TSACC: variants seen among roughly 807,000 people sequenced by gnomAD.
TSACC encodes TSSK6-activating co-chaperone protein.
Under a neutral mutation model 6.9 loss-of-function variants are expected in TSACC, and 3 were observed. The ratio of observed to expected loss-of-function variants is 0.43; its 90% confidence interval spans 0.20 to 1.12. The LOEUF (loss-of-function observed/expected upper bound fraction) is 1.12, where lower values mean the gene tolerates loss of function less well. Ranked by LOEUF, TSACC falls within the 50% of genes most tolerant of loss-of-function variation. The pLI, the probability that TSACC is intolerant of heterozygous loss-of-function variation, is 0.28. For synonymous variants in TSACC, 54 were observed against 55.1 expected (o/e 0.98, Z 0.09); for missense variants, 137 against 143.9 (o/e 0.95, Z 0.24).
At chr1:156,344,891 C>CT (rs1204350732) in intron 3 of TSACC, among the ~76,000 whole-genome samples, 183 bp downstream of exon 3, 1 of 152,216 alleles carries the variant, frequency 6.6e-6, no homozygotes, top group Non-Finnish European at 1.5e-5. Flanking sequence ...GTTCTACCAA[C>CT]TTGTATTGTT....
At chr1:156,342,434 A>G (rs998591805) in intron 2 of TSACC, among the ~76,000 whole-genome samples, 1 of 152,238 alleles carries the variant, frequency 6.6e-6, no homozygotes, top group South Asian at 2.1e-4. Context: ...GACCTTCCAG[A>G]CAGAAAGCAT....
Position 156,346,892 on chromosome 1 carries a change from A to G in TSACC, c.288A>G (p.Gln96=), listed in dbSNP as rs376511938. The part of the protein sequence containing the change: ...VLEHLQASVT[Q]LAPGRGSNNS... ...AACATTTACAGGCATCTGTGACACA[A>G]CTGGCTCCTGGGAGGGGAAGCAATA... The change falls in exon 4 of 4, where the codon CAA becomes CAG. Residue 96 remains glutamine (Q), a synonymous_variant. Coordinates refer to ENST00000368254, the MANE Select transcript of TSACC (RefSeq NM_001304817.2). The G allele has an allele frequency of 4.3e-6, 7 of 1,613,984 alleles. No homozygotes were observed. Among genetic ancestry groups the G allele is most frequent in the African/African-American group, 4.0e-5 (3 of 74,888 alleles).
intron 1 of TSACC, 57 bp downstream of exon 1, chr1:156,338,662 G>A (rs1443290310): frequency 5.9e-6 from 1 of 169,690 alleles, no homozygotes; most frequent in African/African-American, 2.4e-5. Context: ...TGAAGGCTAA[G>A]AAAGGCTTCA....
intron 2 of TSACC, among the ~76,000 whole-genome samples, chr1:156,344,135 A>G (rs979768261): frequency 1.1e-4 from 17 of 152,184 alleles, no homozygotes; most frequent in Admixed American, 8.5e-4. Flanking sequence ...CTTTTAAGAA[A>G]CATTCATTTT....
intron 3 of TSACC, among the ~76,000 whole-genome samples, chr1:156,345,783 G>C (rs1466588365): frequency 6.6e-6 from 1 of 151,532 alleles, no homozygotes; most frequent in East Asian, 1.9e-4. Context: ...CAGGAGAATT[G>C]CTTAAACTGG....
chr1:156,341,166 C>G (rs1454667901), intron 2 of TSACC, among the ~76,000 whole-genome samples: 1 of 152,200 alleles, frequency 6.6e-6, no homozygotes, highest in Non-Finnish European at 1.5e-5. Flanking sequence ...ATACTATTAA[C>G]CCCACAACAG....
At chr1:156,338,269 A>C (rs988869353), upstream of TSACC, 20 of 1,400,992 alleles carry the variant, frequency 1.4e-5, no homozygotes, top group South Asian at 3.7e-5. Context: ...GAAGCCCAGA[A>C]AACGCTGCCT....
upstream of TSACC, chr1:156,338,311 C>G (rs1665555428): frequency 1.1e-6 from 1 of 888,420 alleles, no homozygotes; most frequent in Admixed American, 2.1e-5. Flanking sequence ...CCGCTACTCT[C>G]AAGGTAGTCG....
intron 2 of TSACC, among the ~76,000 whole-genome samples, chr1:156,343,594 C>CCTAATCCCT (rs1268775083): frequency 1.3e-5 from 2 of 152,170 alleles, no homozygotes. Context: ...ACCTCATGCG[C>CCTAATCCCT]CTAATCCCTT....
At chr1:156,345,865 G>C in intron 3 of TSACC, among the ~76,000 whole-genome samples, 1 of 126,884 alleles carries the variant, frequency 7.9e-6, no homozygotes, top group African/African-American at 2.9e-5. Flanking sequence ...AGGCTCCATT[G>C]AAAAAAAAAA....
Position 156,344,622 on chromosome 1 carries a change from C to T in TSACC, c.77C>T (p.Ala26Val), listed in dbSNP as rs1276890349. The T allele has an allele frequency of 6.2e-7, 1 of 1,614,056 alleles. No homozygotes were observed. Among genetic ancestry groups the T allele is most frequent in the Admixed American group, 1.7e-5 (1 of 60,002 alleles). Residue 26 changes from alanine to valine, a missense_variant, in exon 3 of 4, where the codon GCA (alanine) becomes GTA (valine). Physicochemically the swap from Ala to Val is moderately conservative, Grantham distance 64. Transcript: ENST00000368254. Reference sequence around the variant, plus strand: ...GCTAATGCTGTGCCTCTCTGTAGAGCAAAACCCTCCCCCAGCTATATTAAT... The same window carrying T: ...GCTAATGCTGTGCCTCTCTGTAGAGTAAAACCCTCCCCCAGCTATATTAAT... Reference protein sequence around the residue: ...EEANAVPLCRAKPSPSYINLQ... With the variant: ...EEANAVPLCRVKPSPSYINLQ...
chr1:156,343,833 C>T (rs564206213), intron 2 of TSACC, among the ~76,000 whole-genome samples: 62 of 152,074 alleles, frequency 4.1e-4, no homozygotes, highest in Non-Finnish European at 7.4e-4. Flanking sequence ...CTCTGCCTCC[C>T]GGGTTCAAGT....
At chr1:156,344,524 A>G in intron 2 of TSACC, 56 bp from the exon 3 acceptor site, 1 of 1,592,074 alleles carries the variant, frequency 6.3e-7, no homozygotes, top group South Asian at 1.1e-5. Context: ...CAGGGATCTA[A>G]TTAGAAAGGC....
chr1:156,337,989 G>A (rs1665518688), upstream of TSACC, among the ~76,000 whole-genome samples: 1 of 152,196 alleles, frequency 6.6e-6, no homozygotes. Flanking sequence ...GAAGCGAACA[G>A]GTTAAGAGAA....
chr1:156,341,060 G>A (rs759801232), intron 2 of TSACC, among the ~76,000 whole-genome samples: 1 of 151,920 alleles, frequency 6.6e-6, no homozygotes, highest in African/African-American at 2.4e-5. Flanking sequence ...CAAGTGATCC[G>A]CCCACTCTGG....
chr1:156,339,538 T>A (rs1665698968), intron 1 of TSACC, 96 bp from the exon 2 acceptor site: 1 of 514,860 alleles, frequency 1.9e-6, no homozygotes, highest in Admixed American at 3.5e-5. Flanking sequence ...GGAAAACTGT[T>A]TTCCAAACTA....
At chr1:156,346,165 GC>G (rs1304364087) in intron 3 of TSACC, among the ~76,000 whole-genome samples, 1 of 144,238 alleles carries the variant, frequency 6.9e-6, no homozygotes, top group East Asian at 2.0e-4. Flanking sequence ...TTGTACTCTA[GC>G]CTGGGTGACA....
chr1:156,346,871 T>C lies in TSACC; in HGVS notation c.267T>C (p.His89=). The change falls in exon 4 of 4, where the codon CAT becomes CAC. Residue 89 remains histidine, a synonymous_variant. Coordinates refer to ENST00000368254, the MANE Select transcript of TSACC (RefSeq NM_001304817.2). ...AACAACAGATGGCTGTTTTGGAACATTTACAGGCATCTGTGACACAACTGG... is the reference window on the plus strand; with the variant it reads ...AACAACAGATGGCTGTTTTGGAACACTTACAGGCATCTGTGACACAACTGG... ...LAQQQMAVLE[H]LQASVTQLAP... The C allele has an allele frequency of 6.2e-7, 1 of 1,614,166 alleles. No homozygotes were observed. Among genetic ancestry groups the C allele is most frequent in the Non-Finnish European group, 8.5e-7 (1 of 1,180,032 alleles).
chr1:156,345,046 G>A (rs1444103495), intron 3 of TSACC, among the ~76,000 whole-genome samples: 2 of 152,158 alleles, frequency 1.3e-5, no homozygotes, highest in Non-Finnish European at 2.9e-5. Flanking sequence ...GCTAGAGAAG[G>A]AAACTATTAG....
Sources: gnomAD v4.1 joint callset for allele counts (sites outside exome capture counted in the v4.1 genomes callset) on GRCh38, gnomAD v4.1.1 for gene constraint, MANE v1.5 for transcripts, NCBI Gene and HGNC (gene_info 2026-07-23, HGNC 2026-07-21) for gene names.